Variants in PCDHGB1 observed in about 807,000 individuals in gnomAD.
The protein encoded by PCDHGB1 is protocadherin gamma subfamily B, 1, also known as protocadherin gamma-B1.
Under a neutral mutation model 56.6 loss-of-function variants are expected in PCDHGB1, and 34 were observed. The ratio of observed to expected loss-of-function variants is 0.60; its 90% CI spans 0.46 to 0.80. The LOEUF (loss-of-function observed/expected upper bound fraction) is 0.80. Among genes scored for constraint, PCDHGB1 ranks in the 30% least tolerant of loss-of-function variants. PCDHGB1 has a pLI of 0.00. For synonymous variants in PCDHGB1, 561 were observed against 505.9 expected (o/e 1.11, Z -1.46); for missense variants, 1,278 against 1,204.6 (o/e 1.06, Z -0.90).
rs1053132512 is a variant in PCDHGB1 at position 141,409,714 on chromosome 5, C to A, written c.2409+57045C>A. The A allele has an allele frequency of 3.7e-6, 6 of 1,613,108 alleles. No individual in the cohort carries two copies. The African/African-American group carries it at 8.0e-5, about 22-fold the overall frequency. On this transcript the variant is annotated intron_variant, in intron 1 of 3. Transcript: ENST00000523390. ...TAGAGCCCCTGGCGGTGTCGTCATACGTGTCAGTGAGCGCGCAGAGCGGGG... is the reference window on the plus strand; with the variant it reads ...TAGAGCCCCTGGCGGTGTCGTCATAAGTGTCAGTGAGCGCGCAGAGCGGGG...
Position 141,487,501 on chromosome 5 carries a change from T to A in PCDHGB1, c.2410-7306T>A. 1 of 1,614,232 alleles carries A rather than the reference T, an allele frequency of 6.2e-7. No individual in the cohort carries two copies. Among genetic ancestry groups the A allele is most frequent in the Non-Finnish European group, 8.5e-7 (1 of 1,180,036 alleles). On this transcript the variant is annotated intron_variant, in intron 1 of 3. Transcript: ENST00000523390. This position sits in a 1 kb window ranked among gnomAD's most constrained non-coding sequence, Gnocchi z 5.0. ...ACTCTCATGGCTGTACACCCTTGGC[T>A]TCTGCACCCACTCGGAGTGATAGCT...
chr5:141,421,592 T>C (rs1590304832), intron 1 of PCDHGB1: 1 of 1,613,272 alleles, frequency 6.2e-7, no homozygotes, highest in Non-Finnish European at 8.5e-7. Context: ...GGAGTGGAGG[T>C]GGAAATAATA....
In PCDHGB1 at chr5:141,374,128, G is replaced by T. The variant is rs376765941; in HGVS notation, c.2409+21459G>T. Reference sequence around the variant, plus strand: ...ATCCGCAGCGCAGCGAGCAGGTCCTGCTCCTCACGCTCCTGGGGACGCTGT... The same window carrying T: ...ATCCGCAGCGCAGCGAGCAGGTCCTTCTCCTCACGCTCCTGGGGACGCTGT... On this transcript the variant is annotated intron_variant, in intron 1 of 3. Coordinates refer to ENST00000523390, the MANE Select transcript of PCDHGB1 (RefSeq NM_018922.3). The T allele has an allele frequency of 4.4e-6, 7 of 1,603,372 alleles. No homozygotes were observed. The African/African-American group carries it at 8.0e-5, about 18-fold the overall frequency.
At chr5:141,421,788 G>C (rs1262781272) in intron 1 of PCDHGB1, 7 of 1,613,682 alleles carry the variant, frequency 4.3e-6, no homozygotes, top group Admixed American at 3.3e-5. Flanking sequence ...GGGGCAGAAC[G>C]GATGGGGCCA....
Position 141,364,896 on chromosome 5 carries a change from A to G in PCDHGB1, c.2409+12227A>G, listed in dbSNP as rs1020955411. The G allele has an allele frequency of 9.3e-6, 15 of 1,613,896 alleles. No individual in the cohort carries two copies. In the African/African-American group the frequency reaches 1.7e-4, roughly 19 times the overall value. The stretch of plus-strand genomic sequence containing the variant: ...GATGTGGTAAGCGGAACTGATGGAC[A>G]AAAGTATCCGGAGCTGGTGTTGGAA... On this transcript the variant is annotated intron_variant, in intron 1 of 3. Coordinates refer to ENST00000523390, the MANE Select transcript of PCDHGB1 (RefSeq NM_018922.3).
At chr5:141,444,531 C>T (rs1021207516) in intron 1 of PCDHGB1, among the ~76,000 whole-genome samples, 2 of 152,100 alleles carry the variant, frequency 1.3e-5, no homozygotes, top group Non-Finnish European at 1.5e-5. Context: ...GAGACAGTGA[C>T]TGTGTCTAGT....
intron 1 of PCDHGB1, among the ~76,000 whole-genome samples, chr5:141,463,224 G>C (rs1039535501): frequency 6.6e-6 from 1 of 151,958 alleles, no homozygotes; most frequent in Non-Finnish European, 1.5e-5. Context: ...AATATTCCTG[G>C]AGTTCTTTGT....
intron 2 of PCDHGB1, 99 bp downstream of exon 2, chr5:141,494,964 G>A (rs2099757882): frequency 1.3e-6 from 2 of 1,594,380 alleles, no homozygotes; most frequent in Non-Finnish European, 8.5e-7. Context: ...GCTACAGATG[G>A]CTTCTCCCTC....
At chr5:141,419,273 G>A (rs751868316) in intron 1 of PCDHGB1, 2 of 1,614,034 alleles carry the variant, frequency 1.2e-6, no homozygotes, top group South Asian at 1.1e-5. Flanking sequence ...TGCCTCCATA[G>A]CGCAAGTCAG....
rs373418210 is a variant in PCDHGB1, at chr5:141,357,669, G to A, written c.2409+5000G>A. 7.4e-4 allele frequency: 1,188 copies of A among 1,597,338 alleles called. 1 individual carries two copies. The highest frequency in any genetic ancestry group is 1.1e-3 in the Admixed American group (63 of 57,898). On this transcript the variant is annotated intron_variant, in intron 1 of 3. Coordinates refer to ENST00000523390, the MANE Select transcript of PCDHGB1 (RefSeq NM_018922.3). The stretch of plus-strand genomic sequence containing the variant: ...CATACCACACTGAAATATAGACAAA[G>A]AGTTGTGTAAATGTCTCTCATTTTA...
chr5:141,366,411 T>C lies in PCDHGB1; in HGVS notation c.2409+13742T>C, dbSNP rs759374656. ...GATCTGGACCTCACACTCTATCTTG[T>C]GGTGGCAGTGGCTGCAGTCTCCTGC... On this transcript the variant is annotated intron_variant, in intron 1 of 3. Coordinates refer to ENST00000523390, the MANE Select transcript of PCDHGB1 (RefSeq NM_018922.3). The C allele has an allele frequency of 6.2e-7, 1 of 1,614,194 alleles. No individual in the cohort carries two copies.
At chr5:141,364,582 G>T (rs1379738059) in intron 1 of PCDHGB1, 1 of 1,614,088 alleles carries the variant, frequency 6.2e-7, no homozygotes, top group African/African-American at 1.3e-5. Flanking sequence ...GCGGCAGCTT[G>T]GTCACCGCGG....
intron 1 of PCDHGB1, chr5:141,360,593 C>T (rs1007653206): frequency 6.2e-7 from 1 of 1,613,930 alleles, no homozygotes; most frequent in Non-Finnish European, 8.5e-7. Context: ...ACAACATTTC[C>T]ACTTGACCCA....
chr5:141,400,028 C>T (rs2093943957), intron 1 of PCDHGB1: 1 of 1,613,054 alleles, frequency 6.2e-7, no homozygotes. Context: ...AGGGACGCGG[C>T]CCGCCAGCGC....
At position 141,421,139 on chromosome 5, in the gene PCDHGB1, A is replaced by T. The variant is rs2096548615; in HGVS notation, c.2409+68470A>T. Reference sequence around the variant, plus strand: ...TCCTTCGCTTTCTGATATATTTTGGATGTAGTCGGCCTAGGACTTCATAGA... The same window carrying T: ...TCCTTCGCTTTCTGATATATTTTGGTTGTAGTCGGCCTAGGACTTCATAGA... On this transcript the variant is annotated intron_variant, in intron 1 of 3. Transcript: ENST00000523390. 5 of 913,574 alleles carry T rather than the reference A, an allele frequency of 5.5e-6. No individual in the cohort carries two copies. The South Asian group carries it at 8.8e-5, about 16-fold the overall frequency. 56.6% of individuals were successfully genotyped at this position (913,574 alleles called of 1,614,324 possible). A position where few individuals can be genotyped will look rare whatever the true frequency, so the allele number is the denominator to read the frequency against.
chr5:141,427,469 C>T lies in PCDHGB1; in HGVS notation c.2410-67338C>T, dbSNP rs116302471. The T allele has an allele frequency of 9.8e-3, 5,010 of 510,088 alleles. 35 individuals are homozygous for T. Among genetic ancestry groups the T allele is most frequent in the Non-Finnish European group, 0.012 (3,225 of 262,464 alleles). 31.6% of individuals were successfully genotyped at this position (510,088 alleles called of 1,614,324 possible). A position where few individuals can be genotyped will look rare whatever the true frequency, so the allele number is the denominator to read the frequency against. On this transcript the variant is annotated intron_variant, in intron 1 of 3. Coordinates refer to ENST00000523390, the MANE Select transcript of PCDHGB1 (RefSeq NM_018922.3). Reference sequence around the variant, plus strand: ...GAGTTCCTTTTAGAATCGAATCTTCCGCCAATAATGACTATAAGCTTGTAA... The same window carrying T: ...GAGTTCCTTTTAGAATCGAATCTTCTGCCAATAATGACTATAAGCTTGTAA...
intron 1 of PCDHGB1, chr5:141,370,796 C>A (rs1460787163): frequency 6.2e-7 from 1 of 1,614,006 alleles, no homozygotes; most frequent in Non-Finnish European, 8.5e-7. Flanking sequence ...CGACCTTTAG[C>A]CAAAATATCA....
intron 1 of PCDHGB1, among the ~76,000 whole-genome samples, chr5:141,488,839 G>A (rs954244872): frequency 2.6e-5 from 4 of 152,206 alleles, no homozygotes; most frequent in African/African-American, 9.6e-5. Flanking sequence ...CAAGGGGGCT[G>A]AATCAACCTG....
intron 1 of PCDHGB1, among the ~76,000 whole-genome samples, chr5:141,353,318 T>C (rs1478802472): frequency 6.6e-6 from 1 of 152,214 alleles, no homozygotes; most frequent in Non-Finnish European, 1.5e-5. Flanking sequence ...TTTAGAGTTC[T>C]TCCCACCCAA....
Sources: allele counts gnomAD v4.1 joint callset (sites outside exome capture counted in the v4.1 genomes callset), GRCh38; gene constraint gnomAD v4.1.1; non-coding constraint Gnocchi (gnomAD v3.1); transcripts MANE v1.5; gene names NCBI Gene and HGNC (gene_info 2026-07-23, HGNC 2026-07-21).